Variants in TULP4 observed in about 807,000 individuals in gnomAD.
The protein encoded by TULP4 is tubby-related protein 4.
Under a neutral mutation model 129.0 loss-of-function variants are expected in TULP4, and 16 were observed. The ratio of observed to expected loss-of-function variants is 0.12; its 90% CI spans 0.08 to 0.19. TULP4 has a LOEUF of 0.19. Among genes scored for constraint, TULP4 ranks in the 10% least tolerant of loss-of-function variants. The pLI is 1.00. For missense variants in TULP4, 1,842 were observed against 2,059.1 expected (o/e 0.89, Z 2.04); for synonymous variants, 998 against 854.0 (o/e 1.17, Z -2.94).
intron 1 of TULP4, among the ~76,000 whole-genome samples, chr6:158,369,869 C>T (rs2114871180): frequency 6.6e-6 from 1 of 152,040 alleles, no homozygotes; most frequent in East Asian, 1.9e-4. Context: ...ACTTTTGTAC[C>T]ATGTACATGA....
At chr6:158,376,450 C>T (rs183867024) in intron 1 of TULP4, among the ~76,000 whole-genome samples, 9 of 152,202 alleles carry the variant, frequency 5.9e-5, no homozygotes, top group East Asian at 3.9e-4. Flanking sequence ...GGCATATGTC[C>T]GGGGGGAGAG....
chr6:158,434,914 C>G (rs1405440205), intron 3 of TULP4, among the ~76,000 whole-genome samples: 1 of 152,176 alleles, frequency 6.6e-6, no homozygotes, highest in Non-Finnish European at 1.5e-5. Flanking sequence ...AAAGTTACCA[C>G]ATACATGAAA....
At chr6:158,430,174 G>C (rs1167616844) in intron 3 of TULP4, among the ~76,000 whole-genome samples, 1 of 152,112 alleles carries the variant, frequency 6.6e-6, no homozygotes, top group Non-Finnish European at 1.5e-5. Flanking sequence ...TAAATATGCA[G>C]TTGATATTAG....
intron 1 of TULP4, among the ~76,000 whole-genome samples, chr6:158,393,471 A>G (rs1283828232): frequency 6.6e-6 from 1 of 152,208 alleles, no homozygotes; most frequent in Non-Finnish European, 1.5e-5. Context: ...GTTCTCCATA[A>G]GGGCTCCACT....
intron 6 of TULP4, among the ~76,000 whole-genome samples, chr6:158,472,062 G>A (rs185067432): frequency 3.9e-5 from 6 of 152,300 alleles, no homozygotes; most frequent in Admixed American, 3.9e-4. Flanking sequence ...CTCAGGAATT[G>A]GATCCTCCTC....
At chr6:158,337,086 G>C (rs377538630) in intron 1 of TULP4, among the ~76,000 whole-genome samples, 32 of 137,358 alleles carry the variant, frequency 2.3e-4, no homozygotes, top group Admixed American at 2.2e-4. Context: ...CTTTCTTTCT[G>C]TCTCTCTCTC....
At chr6:158,424,183 A>G (rs1224590805) in intron 2 of TULP4, among the ~76,000 whole-genome samples, 1 of 152,152 alleles carries the variant, frequency 6.6e-6, no homozygotes, top group Non-Finnish European at 1.5e-5. Flanking sequence ...CAGATACTGA[A>G]ATTCATGGAA....
intron 1 of TULP4, among the ~76,000 whole-genome samples, chr6:158,330,304 A>G (rs1779848168): frequency 1.3e-5 from 2 of 152,258 alleles, no homozygotes; most frequent in South Asian, 4.1e-4. Context: ...GCTTACCCAG[A>G]GAACTTGTTA....
intron 2 of TULP4, among the ~76,000 whole-genome samples, chr6:158,421,279 G>A (rs1476704144): frequency 6.6e-6 from 1 of 151,678 alleles, no homozygotes; most frequent in Non-Finnish European, 1.5e-5. Flanking sequence ...GGAGAATGGC[G>A]TGAACCCGGG....
chr6:158,317,330 C>T (rs1196632342), intron 1 of TULP4, among the ~76,000 whole-genome samples: 3 of 146,190 alleles, frequency 2.1e-5, no homozygotes, highest in Middle Eastern at 3.3e-3. Context: ...CCCCACCCCA[C>T]GACAGGCCCC....
chr6:158,239,946 A>G lies in TULP4; in HGVS notation n.68+7643A>G, dbSNP rs1276424135. 1.0e-4 allele frequency among the ~76,000 whole-genome samples: 3 copies of G among 29,338 alleles called. No individual in the cohort carries two copies. The East Asian group carries it at 3.1e-3, about 30-fold the overall frequency. The allele number at this position is 29,338 out of a possible 152,430, so 19.2% of individuals were successfully genotyped here. A position where few individuals can be genotyped will look rare whatever the true frequency, so the allele number is the denominator to read the frequency against. ...GGCGGCTGGCCGGGCAGGGGGGCTG[A>G]CCCCCCCCACCTCCCTCCCGGACGG... On this transcript the variant is annotated intron_variant and non_coding_transcript_variant, in intron 1 of 1. Coordinates refer to the TULP4 transcript ENST00000620026.
At chr6:158,464,759 G>C (rs966506475) in intron 6 of TULP4, among the ~76,000 whole-genome samples, 2 of 152,170 alleles carry the variant, frequency 1.3e-5, no homozygotes, top group African/African-American at 4.8e-5. Flanking sequence ...TGAATAAATG[G>C]TAAATGTCTC....
At chr6:158,401,279 G>A (rs1279984977) in intron 1 of TULP4, among the ~76,000 whole-genome samples, 1 of 152,034 alleles carries the variant, frequency 6.6e-6, no homozygotes, top group Non-Finnish European at 1.5e-5. Context: ...TCACCGTGTT[G>A]CCCAGGCTGG....
In TULP4 at chr6:158,454,025, C is replaced by CG. The variant is rs1554293021; in HGVS notation, c.859+1757_859+1758insG. Among the ~76,000 whole-genome samples the CG allele has an allele frequency of 8.8e-5, 13 of 148,114 alleles. 1 individual carries two copies. The highest frequency in any genetic ancestry group is 3.3e-4 in the Admixed American group (5 of 14,990). On this transcript the variant is annotated intron_variant, in intron 5 of 13. Transcript: ENST00000367097. ...AATCATACCTGCCTCTGCACCGCCC[C>CG]CCCCCAAGTAATTACTCTATTTTTA...
intron 1 of TULP4, among the ~76,000 whole-genome samples, chr6:158,318,989 G>A (rs973081106): frequency 4.7e-5 from 7 of 148,432 alleles, no homozygotes; most frequent in Admixed American, 3.4e-4. Flanking sequence ...TAAGTGATCC[G>A]CCCACCTCAG....
Position 158,449,179 on chromosome 6 carries a change from A to G in TULP4, c.724+3A>G. Reference sequence around the variant, plus strand: ...AGATGACTACGCCCCTCCCCAAGGTACTCATTGGCCCTACTTTCCTTGTCA... The same window carrying G: ...AGATGACTACGCCCCTCCCCAAGGTGCTCATTGGCCCTACTTTCCTTGTCA... On this transcript the variant is annotated splice_donor_region_variant and intron_variant, in intron 4 of 13. Coordinates refer to ENST00000367097, the MANE Select transcript of TULP4 (RefSeq NM_020245.5). 2 of 1,609,096 alleles carry G rather than the reference A, an allele frequency of 1.2e-6. No individual in the cohort carries two copies. The highest frequency in any genetic ancestry group is 1.7e-6 in the Non-Finnish European group (2 of 1,177,442).
intron 1 of TULP4, among the ~76,000 whole-genome samples, chr6:158,305,306 G>A (rs565187923): frequency 4.1e-5 from 6 of 147,004 alleles, no homozygotes; most frequent in South Asian, 4.4e-4. Context: ...AAGGCTGAAT[G>A]ATATTTCATT....
chr6:158,421,500 A>T (rs745958286), intron 2 of TULP4, among the ~76,000 whole-genome samples: 6 of 152,208 alleles, frequency 3.9e-5, no homozygotes, highest in Non-Finnish European at 7.3e-5. Context: ...CCCGGGATTG[A>T]TAGAAAGATA....
At chr6:158,292,587 C>T (rs943063460) in intron 1 of TULP4, among the ~76,000 whole-genome samples, 1 of 152,024 alleles carries the variant, frequency 6.6e-6, no homozygotes, top group Non-Finnish European at 1.5e-5. Context: ...TTCCTGAGAA[C>T]GTCTTTTCAT....
Sources: gnomAD v4.1 joint callset for allele counts (sites outside exome capture counted in the v4.1 genomes callset) on GRCh38, gnomAD v4.1.1 for gene constraint, MANE v1.5 for transcripts, NCBI Gene and HGNC (gene_info 2026-07-23, HGNC 2026-07-21) for gene names.